PPA2: variants seen among roughly 807,000 people sequenced by gnomAD.
The protein encoded by PPA2 is inorganic pyrophosphatase 2.
PPA2 carries 48 observed loss-of-function variants against 49.5 expected under a neutral mutation model. The observed-to-expected ratio is 0.97, with a 90% confidence interval of 0.77 to 1.23. The LOEUF is 1.23. PPA2 is among the 50% of genes most tolerant of loss of function. The probability of loss-of-function intolerance (pLI) is 0.00; values close to 1 mark genes in which losing one functional copy is unlikely to be tolerated. For synonymous variants in PPA2, 131 were observed against 139.9 expected (o/e 0.94, Z 0.45); for missense variants, 429 against 410.1 (o/e 1.05, Z -0.40).
At chr4:105,461,522 C>A (rs989554358) in intron 1 of PPA2, among the ~76,000 whole-genome samples, 1 of 152,194 alleles carries the variant, frequency 6.6e-6, no homozygotes, top group South Asian at 2.1e-4. Flanking sequence ...CTATTTAGCC[C>A]TTAGGGAAGA....
At chr4:105,369,829 A>T in intron 11 of PPA2, 76 bp from the exon 12 acceptor site, 1 of 1,372,266 alleles carries the variant, frequency 7.3e-7, no homozygotes, top group Non-Finnish European at 1.0e-6. Context: ...ATCAAATTTA[A>T]TTTCGACTTT....
chr4:105,437,635 G>C (rs1000235646), intron 6 of PPA2, among the ~76,000 whole-genome samples: 1 of 152,154 alleles, frequency 6.6e-6, no homozygotes, highest in Non-Finnish European at 1.5e-5. Context: ...AGGCTTTGTA[G>C]ACTATACAAT....
chr4:105,420,807 A>C (rs551924815), intron 7 of PPA2, among the ~76,000 whole-genome samples: 1 of 152,328 alleles, frequency 6.6e-6, no homozygotes, highest in African/African-American at 2.4e-5. Context: ...AGAAACCCGC[A>C]GGTGATAGCT....
intron 10 of PPA2, among the ~76,000 whole-genome samples, chr4:105,379,001 A>G (rs1733368107): frequency 6.6e-6 from 1 of 152,120 alleles, no homozygotes; most frequent in South Asian, 2.1e-4. Context: ...GTATTTATTT[A>G]TATCAGCTTG....
intron 7 of PPA2, among the ~76,000 whole-genome samples, chr4:105,410,882 C>T (rs1430998653): frequency 1.3e-5 from 2 of 152,138 alleles, no homozygotes; most frequent in Admixed American, 6.5e-5. Flanking sequence ...TTTGTCACCA[C>T]CAGGCCTGCC....
intron 9 of PPA2, among the ~76,000 whole-genome samples, chr4:105,393,625 A>T (rs1734017461): frequency 6.6e-6 from 1 of 151,720 alleles, no homozygotes; most frequent in South Asian, 2.1e-4. Context: ...TAAAGATACT[A>T]ATACACTAGG....
At chr4:105,374,484 T>C (rs1733156947) in intron 10 of PPA2, among the ~76,000 whole-genome samples, 1 of 152,268 alleles carries the variant, frequency 6.6e-6, no homozygotes, top group African/African-American at 2.4e-5. Context: ...TTAATTGCTT[T>C]CAAAAACTCT....
intron 9 of PPA2, among the ~76,000 whole-genome samples, chr4:105,393,733 A>T (rs1265523928): frequency 2.6e-5 from 4 of 151,906 alleles, no homozygotes. Flanking sequence ...GATAGTATGG[A>T]CCTAAACTGA....
chr4:105,390,546 A>G (rs1156400277), intron 9 of PPA2, among the ~76,000 whole-genome samples: 1 of 152,226 alleles, frequency 6.6e-6, no homozygotes, highest in East Asian at 1.9e-4. Flanking sequence ...GCCAACAAAC[A>G]TGAAAAAAAG....
chr4:105,458,910 T>G (rs1722975038), intron 1 of PPA2, among the ~76,000 whole-genome samples: 1 of 152,016 alleles, frequency 6.6e-6, no homozygotes. Flanking sequence ...TACCATGCTT[T>G]GTGCTTTACC....
chr4:105,399,051 C>A lies in PPA2; in HGVS notation c.769G>T (p.Glu257Ter). 6.2e-7 allele frequency: 1 copy of A among 1,608,298 alleles called. No individual in the cohort carries two copies. Among genetic ancestry groups the A allele is most frequent in the Non-Finnish European group, 8.5e-7 (1 of 1,178,536 alleles). Reference protein sequence around the residue: ...KPENQFAFNGEFKNKAFALEV... With the variant: ...KPENQFAFNG ...CTCATCTTCACCTTGTTTTTGAATT[C>A]TCCATTAAAAGCAAACTGGTTTTCT... Residue 257 changes from glutamate (E) to a stop codon, truncating the protein, a stop_gained, in exon 8 of 12, where the codon GAA (glutamate) becomes TAA (stop). Coordinates refer to ENST00000341695, the MANE Select transcript of PPA2 (RefSeq NM_176869.3). LOFTEE classifies it high-confidence loss of function.
At chr4:105,395,965 G>C (rs1734124060) in intron 9 of PPA2, among the ~76,000 whole-genome samples, 1 of 152,094 alleles carries the variant, frequency 6.6e-6, no homozygotes, top group Non-Finnish European at 1.5e-5. Context: ...AAACCGCATA[G>C]ATTTACATGC....
chr4:105,474,007 G>A lies in PPA2; in HGVS notation c.44C>T (p.Ala15Val). Reference protein sequence around the residue: ...LRLLRTGAPAAACLRLGTSAG... With the variant: ...LRLLRTGAPAVACLRLGTSAG... ...ACTGGTCCCCAACCGCAGGCACGCA[G>A]CGGCTGGGGCACCCGTGCGCAGCAG... The change falls in exon 1 of 12, where the codon GCT becomes GTT. Residue 15 changes from alanine (A) to valine (V), a missense_variant. Coordinates refer to ENST00000341695, the MANE Select transcript of PPA2 (RefSeq NM_176869.3). 1 of 1,604,426 alleles carries A rather than the reference G, an allele frequency of 6.2e-7. No homozygotes were observed. The highest frequency in any genetic ancestry group is 8.5e-7 in the Non-Finnish European group (1 of 1,176,016).
chr4:105,470,038 A>G (rs7672469), intron 1 of PPA2, among the ~76,000 whole-genome samples: 2,705 of 152,352 alleles, frequency 0.018, 72 homozygotes, highest in African/African-American at 0.059. Context: ...AGACTAAATA[A>G]AAGCAACTTG....
chr4:105,467,387 G>C (rs1253650309), intron 1 of PPA2, among the ~76,000 whole-genome samples: 1 of 152,248 alleles, frequency 6.6e-6, no homozygotes, highest in Non-Finnish European at 1.5e-5. Flanking sequence ...AAGGAGGCCA[G>C]GATGGCAGGA....
chr4:105,466,680 G>T (rs934323415), intron 1 of PPA2, among the ~76,000 whole-genome samples: 12 of 152,230 alleles, frequency 7.9e-5, no homozygotes, highest in African/African-American at 2.2e-4. Flanking sequence ...GGGCAAAGTG[G>T]GCAACTTGAA....
intron 2 of PPA2, among the ~76,000 whole-genome samples, chr4:105,454,189 C>G (rs940312372): frequency 6.6e-6 from 1 of 152,180 alleles, no homozygotes; most frequent in Non-Finnish European, 1.5e-5. Flanking sequence ...CACAAATGCT[C>G]AACCAGCATA....
intron 7 of PPA2, chr4:105,399,692 A>G (rs987717586): frequency 2.0e-5 from 3 of 152,434 alleles, no homozygotes; most frequent in African/African-American, 7.2e-5. Context: ...ATGGTTCTGC[A>G]TGGATAGAAC....
At chr4:105,473,089 A>C (rs1426160973) in intron 1 of PPA2, among the ~76,000 whole-genome samples, 1 of 152,150 alleles carries the variant, frequency 6.6e-6, no homozygotes, top group Non-Finnish European at 1.5e-5. Context: ...CTCTGCAGTC[A>C]GTGGGGAGTG....
Sources: allele counts gnomAD v4.1 joint callset (sites outside exome capture counted in the v4.1 genomes callset), GRCh38; gene constraint gnomAD v4.1.1; transcripts MANE v1.5; gene names NCBI Gene and HGNC (gene_info 2026-07-23, HGNC 2026-07-21).